The following ABCB10 variants were observed in gnomAD, a reference collection of about 807,000 sequenced individuals.
ABCB10 encodes ATP-binding cassette sub-family B member 10, mitochondrial.
A neutral mutation model predicts 65.4 loss-of-function variants in ABCB10; 54 were observed. The observed-to-expected ratio is 0.83, with a 90% CI of 0.66 to 1.04. The LOEUF (loss-of-function observed/expected upper bound fraction) is 1.04. Ranked by LOEUF, ABCB10 falls within the 50% of genes least tolerant of loss-of-function variation. The probability of loss-of-function intolerance (pLI) is 0.00; values close to 1 mark genes in which losing one functional copy is unlikely to be tolerated. For missense variants in ABCB10, 846 were observed against 976.6 expected (o/e 0.87, Z 1.78); for synonymous variants, 418 against 406.5 (o/e 1.03, Z -0.34).
chr1:229,558,227 C>G lies in ABCB10; in HGVS notation c.426G>C (p.Gly142=), dbSNP rs762732185. The change falls in exon 1 of 13, where the codon GGG becomes GGC. Residue 142 remains glycine (G), a synonymous_variant. Coordinates refer to ENST00000344517, the MANE Select transcript of ABCB10 (RefSeq NM_012089.3). ...CTGCGGGGCGCAGCCGCCCCTTGTC[C>G]CCGGGAGGCGCCGCCGGCCCGCGCC... ...AWRRGPAAPP[G]DKGRLRPAAA... is the part of the protein sequence containing the mutation. 16 of 1,368,206 alleles carry G rather than the reference C, an allele frequency of 1.2e-5. No individual in the cohort carries two copies. The South Asian group carries it at 2.6e-4, about 22-fold the overall frequency. 84.8% of individuals were successfully genotyped at this position (1,368,206 alleles called of 1,614,324 possible).
At chr1:229,555,817 A>AT (rs945267201) in intron 1 of ABCB10, among the ~76,000 whole-genome samples, 15 of 151,296 alleles carry the variant, frequency 9.9e-5, no homozygotes, top group East Asian at 1.9e-4. Context: ...TAAATTACAC[A>AT]TTTTTTTTTA....
Position 229,528,057 on chromosome 1 carries a change from A to T in ABCB10, c.1646-749T>A, listed in dbSNP as rs552932458. ...CTTCACATTGAGGGTGCTCAACAAA[A>T]CTTGGTGATGATGACAACAGTGACA... On this transcript the variant is annotated intron_variant, in intron 8 of 12. Transcript: ENST00000344517. Among the ~76,000 whole-genome samples the T allele has an allele frequency of 2.0e-5, 3 of 152,332 alleles. No individual in the cohort carries two copies. The East Asian group carries it at 5.8e-4, about 29-fold the overall frequency.
rs1056953281 is a variant in ABCB10, at chr1:229,539,673, C to G, written c.1204-82G>C. 5.5e-6 allele frequency: 8 copies of G among 1,462,106 alleles called. No homozygotes were observed. The African/African-American group carries it at 1.2e-4, about 21-fold the overall frequency. 90.6% of individuals were successfully genotyped at this position (1,462,106 alleles called of 1,614,324 possible). ...AAGCATGAACACGGCCTGTAATGTC[C>G]CTTTTTCATTCAACTGTCACAGCAA... On this transcript the variant is annotated intron_variant, in intron 5 of 12. Transcript: ENST00000344517.
intron 7 of ABCB10, 24 bp from the exon 8 acceptor site, chr1:229,530,432 A>G: frequency 6.2e-7 from 1 of 1,611,332 alleles, no homozygotes; most frequent in East Asian, 2.2e-5. Flanking sequence ...TGGAATATTA[A>G]TTACTTACAG....
chr1:229,518,895 G>T lies in ABCB10; in HGVS notation c.1951-20C>A. On this transcript the variant is annotated intron_variant, in intron 11 of 12. Transcript: ENST00000344517. ...GGGATTCTGAAGAAGGAAAAAAAAG[G>T]AAAAGATAAAATAATTTTATTGGAA... 6.4e-7 allele frequency: 1 copy of T among 1,568,976 alleles called. No individual in the cohort carries two copies. Among genetic ancestry groups the T allele is most frequent in the Non-Finnish European group, 8.7e-7 (1 of 1,150,238 alleles).
intron 5 of ABCB10, 112 bp from the exon 6 acceptor site, chr1:229,539,703 T>C: frequency 1.6e-6 from 2 of 1,283,134 alleles, no homozygotes; most frequent in South Asian, 3.1e-5. Flanking sequence ...CAGCAAGATT[T>C]TTCCAAAATA....
chr1:229,532,707 C>T (rs1662613995), intron 6 of ABCB10, among the ~76,000 whole-genome samples: 1 of 152,044 alleles, frequency 6.6e-6, no homozygotes, highest in South Asian at 2.1e-4. Flanking sequence ...ATAGAGAGAA[C>T]CCTGTTTCTA....
rs1663313096 is a variant in ABCB10, at chr1:229,558,302, C to G, written c.351G>C (p.Arg117=). 2.4e-6 allele frequency: 3 copies of G among 1,235,518 alleles called. No homozygotes were observed. In the African/African-American group the frequency reaches 4.8e-5, roughly 20 times the overall value. The allele number at this position is 1,235,518 out of a possible 1,614,324, so 76.5% of individuals were successfully genotyped here. ...CAGCGGCTGCGGGACCGCCCGGGAA[C>G]CGGGCGCGCGGGAGCCGAGGAGCGC... ...GPGAPRLPRA[R]FPGGPAAAAW... Residue 117 remains arginine (R), a synonymous_variant, in exon 1 of 13, where the codon CGG becomes CGC. Coordinates refer to ENST00000344517, the MANE Select transcript of ABCB10 (RefSeq NM_012089.3).
chr1:229,528,803 C>T (rs1662502484), intron 8 of ABCB10, among the ~76,000 whole-genome samples: 1 of 151,982 alleles, frequency 6.6e-6, no homozygotes, highest in Admixed American at 6.6e-5. Context: ...GTTGCAATTA[C>T]AGGTGTGGGG....
chr1:229,526,167 T>C (rs776123169), intron 9 of ABCB10, 51 bp from the exon 10 acceptor site: 2 of 1,544,560 alleles, frequency 1.3e-6, no homozygotes, highest in Admixed American at 1.9e-5. Flanking sequence ...ACTTAAAACA[T>C]GTCTAATAAA....
In ABCB10 at chr1:229,558,222, T is replaced by C. The variant is rs764848610; in HGVS notation, c.431A>G (p.Lys144Arg). The C allele has an allele frequency of 3.5e-5, 49 of 1,383,888 alleles. No homozygotes were observed. In the South Asian group the frequency reaches 7.0e-4, roughly 20 times the overall value. The allele number at this position is 1,383,888 out of a possible 1,614,324, so 85.7% of individuals were successfully genotyped here. A position where few individuals can be genotyped will look rare whatever the true frequency, so the allele number is the denominator to read the frequency against. ...GGCCGCTGCGGGGCGCAGCCGCCCC[T>C]TGTCCCCGGGAGGCGCCGCCGGCCC... ...RRGPAAPPGD[K>R]GRLRPAAAGL... Residue 144 changes from lysine (K) to arginine (R), a missense_variant, in exon 1 of 13, where the codon AAG (lysine) becomes AGG (arginine). Around this residue, in one of 2 missense-constraint regions of ABCB10, gnomAD observed 632 missense variants for 803.2 expected, o/e 0.79. Coordinates refer to ENST00000344517, the MANE Select transcript of ABCB10 (RefSeq NM_012089.3).
intron 10 of ABCB10, 112 bp from the exon 11 acceptor site, chr1:229,521,747 G>A (rs754465059): frequency 4.7e-6 from 5 of 1,066,852 alleles, no homozygotes; most frequent in Non-Finnish European, 7.0e-6. Context: ...GTTAGTCATA[G>A]CTGACACAGA....
Position 229,527,265 on chromosome 1 carries a change from T to C in ABCB10, c.1689A>G (p.Pro563=). ...TCCCAATTTTGGATCTCAGCCACAC[T>C]GGGTTTAGCTGACGGATGTCATGGC... The part of the protein sequence containing the change: ...LDGHDIRQLN[P]VWLRSKIGTV... Residue 563 remains proline, a synonymous_variant, in exon 9 of 13, where the codon CCA becomes CCG. Transcript: ENST00000344517. 6.2e-7 allele frequency: 1 copy of C among 1,613,876 alleles called. No individual in the cohort carries two copies. Among genetic ancestry groups the C allele is most frequent in the Non-Finnish European group, 8.5e-7 (1 of 1,179,844 alleles).
At chr1:229,541,472 C>T (rs376711827) in intron 4 of ABCB10, among the ~76,000 whole-genome samples, 3 of 152,208 alleles carry the variant, frequency 2.0e-5, no homozygotes, top group African/African-American at 4.8e-5. Context: ...GGTGATCCAC[C>T]TGCCTTGGCC....
chr1:229,553,835 G>A (rs1423431245), intron 1 of ABCB10, among the ~76,000 whole-genome samples: 1 of 151,820 alleles, frequency 6.6e-6, no homozygotes, highest in Non-Finnish European at 1.5e-5. Context: ...ATCTCTCTGT[G>A]CCCAGTTTCC....
chr1:229,533,179 C>T (rs1303334952), intron 6 of ABCB10, among the ~76,000 whole-genome samples: 1 of 151,906 alleles, frequency 6.6e-6, no homozygotes, highest in Non-Finnish European at 1.5e-5. Flanking sequence ...TCTTGCTCTG[C>T]TGTGGTGTAG....
intron 1 of ABCB10, among the ~76,000 whole-genome samples, chr1:229,557,840 T>C (rs1018215178): frequency 1.3e-5 from 2 of 152,200 alleles, no homozygotes; most frequent in African/African-American, 4.8e-5. Context: ...CCAAAACAGA[T>C]GCTCCCACTA....
At chr1:229,548,281 G>A (rs1663017807) in intron 2 of ABCB10, among the ~76,000 whole-genome samples, 1 of 152,138 alleles carries the variant, frequency 6.6e-6, no homozygotes, top group Non-Finnish European at 1.5e-5. Context: ...TAGGATTACA[G>A]GCATGAGCCA....
chr1:229,525,824 C>A, intron 10 of ABCB10, 112 bp downstream of exon 10: 1 of 1,313,740 alleles, frequency 7.6e-7, no homozygotes, highest in Non-Finnish European at 1.0e-6. Flanking sequence ...GGTGACAGAG[C>A]AAGACTCAAG....
Sources: gnomAD v4.1 joint callset for allele counts (sites outside exome capture counted in the v4.1 genomes callset) on GRCh38, gnomAD v4.1.1 for gene constraint, gnomAD v4.1.1 regional missense constraint, MANE v1.5 for transcripts, NCBI Gene and HGNC (gene_info 2026-07-23, HGNC 2026-07-21) for gene names.